NRG1: variants seen among roughly 807,000 people sequenced by gnomAD.
The protein encoded by NRG1 is neuregulin 1.
In NRG1, 18 loss-of-function variants were observed where a neutral mutation model predicts 63.8. The ratio of observed to expected loss-of-function variants is 0.28; its 90% confidence interval spans 0.19 to 0.42. NRG1 has a LOEUF of 0.42. Among genes scored for constraint, NRG1 ranks in the 10% least tolerant of loss-of-function variants. NRG1 has a pLI of 1.00. For synonymous variants in NRG1, 302 were observed against 301.3 expected, an observed-to-expected ratio of 1.00 and a Z score of -0.02; for missense variants, 762 against 814.7, an observed-to-expected ratio of 0.94 and a Z score of 0.79.
rs919730773 is a variant in NRG1 at position 32,227,808 on chromosome 8, C to T, written c.38-368020C>T. 5.9e-5 allele frequency among the ~76,000 whole-genome samples: 9 copies of T among 152,264 alleles called. No individual in the cohort carries two copies. In the South Asian group the frequency reaches 1.9e-3, roughly 32 times the overall value. On this transcript the variant is annotated intron_variant, in intron 1 of 10. Coordinates refer to the NRG1 transcript ENST00000519301. The stretch of plus-strand genomic sequence containing the variant: ...ATGTGCTCTAACCACCACAGCATTC[C>T]TGATCACCACCTCCAGATGACAAAA...
At chr8:32,713,478 T>C (rs1818322386) in intron 5 of NRG1, among the ~76,000 whole-genome samples, 1 of 152,050 alleles carries the variant, frequency 6.6e-6, no homozygotes, top group Non-Finnish European at 1.5e-5. Flanking sequence ...GAACTTCAAA[T>C]TCATTGTCTA....
upstream of NRG1, among the ~76,000 whole-genome samples, chr8:32,548,009 C>T (rs537659914): frequency 3.9e-5 from 6 of 152,232 alleles, no homozygotes; most frequent in Non-Finnish European, 7.4e-5. Context: ...GCCTGGGTTC[C>T]CGGGTCTCCG....
intron 1 of NRG1, among the ~76,000 whole-genome samples, chr8:31,757,359 G>T (rs537403135): frequency 6.3e-4 from 96 of 152,158 alleles, no homozygotes; most frequent in African/African-American, 2.2e-3. Flanking sequence ...ACAAATCTCA[G>T]TCCTAATTCT....
intron 1 of NRG1, among the ~76,000 whole-genome samples, chr8:31,967,073 G>A (rs1352194257): frequency 6.6e-6 from 1 of 152,144 alleles, no homozygotes; most frequent in African/African-American, 2.4e-5. Flanking sequence ...GCTACCTGAT[G>A]AGTTAAAGAG....
At chr8:32,297,864 TA>T (rs1310537343) in intron 1 of NRG1, among the ~76,000 whole-genome samples, 1 of 152,194 alleles carries the variant, frequency 6.6e-6, no homozygotes, top group Non-Finnish European at 1.5e-5. Context: ...GTAATAATCA[TA>T]TAACATTATT....
chr8:32,324,506 T>G (rs1163797310), intron 1 of NRG1, among the ~76,000 whole-genome samples: 1 of 152,120 alleles, frequency 6.6e-6, no homozygotes, highest in Non-Finnish European at 1.5e-5. Context: ...GGTGGAGGCT[T>G]CTAACTAATG....
intron 1 of NRG1, among the ~76,000 whole-genome samples, chr8:31,777,047 A>C (rs1300455255): frequency 6.6e-6 from 1 of 152,086 alleles, no homozygotes; most frequent in Admixed American, 6.5e-5. Flanking sequence ...CACTATTCAC[A>C]ATAGCGAAGA....
intron 1 of NRG1, among the ~76,000 whole-genome samples, chr8:32,395,272 C>T (rs1260098824): frequency 6.6e-6 from 1 of 152,162 alleles, no homozygotes; most frequent in Non-Finnish European, 1.5e-5. Flanking sequence ...AGAACCAGGA[C>T]TGGGTCATAG....
chr8:31,968,306 A>T (rs80162942), intron 1 of NRG1, among the ~76,000 whole-genome samples: 3,014 of 152,274 alleles, frequency 0.02, 83 homozygotes, highest in African/African-American at 0.068. Flanking sequence ...AGCAACCCAG[A>T]ATGTCCTAAC....
intron 1 of NRG1, among the ~76,000 whole-genome samples, chr8:32,025,814 G>A (rs1421127776): frequency 1.3e-5 from 2 of 151,496 alleles, no homozygotes; most frequent in African/African-American, 4.8e-5. Flanking sequence ...CGGGCCTGGT[G>A]GCGGGCGCCT....
chr8:31,989,433 C>G (rs1181561062), intron 1 of NRG1, among the ~76,000 whole-genome samples: 1 of 151,642 alleles, frequency 6.6e-6, no homozygotes, highest in Middle Eastern at 3.2e-3. Flanking sequence ...TTATTGTGTC[C>G]CAGTTCAGTT....
chr8:32,076,810 A>G (rs942577459), intron 1 of NRG1, among the ~76,000 whole-genome samples: 2 of 152,210 alleles, frequency 1.3e-5, no homozygotes, highest in African/African-American at 2.4e-5. Context: ...AGAAAAGTCT[A>G]TTGTTGATTT....
At chr8:32,367,002 G>A (rs546833511) in intron 1 of NRG1, among the ~76,000 whole-genome samples, 9 of 151,986 alleles carry the variant, frequency 5.9e-5, no homozygotes, top group East Asian at 1.9e-4. Context: ...GTGAGCCACC[G>A]CATCTGGCCT....
At chr8:31,908,343 C>A (rs1315637242) in intron 1 of NRG1, among the ~76,000 whole-genome samples, 1 of 152,008 alleles carries the variant, frequency 6.6e-6, no homozygotes, top group Non-Finnish European at 1.5e-5. Flanking sequence ...GATCTGTTTC[C>A]AAACATATTT....
chr8:31,999,096 C>T (rs1379430834), intron 1 of NRG1, among the ~76,000 whole-genome samples: 1 of 151,238 alleles, frequency 6.6e-6, no homozygotes, highest in Non-Finnish European at 1.5e-5. Context: ...GATTTCTTTG[C>T]TGAAATGCAC....
At chr8:31,796,117 C>T (rs1821178708) in intron 1 of NRG1, among the ~76,000 whole-genome samples, 2 of 152,162 alleles carry the variant, frequency 1.3e-5, no homozygotes, top group Non-Finnish European at 2.9e-5. Context: ...CTAGATGGAG[C>T]ATACACCTAG....
intron 1 of NRG1, among the ~76,000 whole-genome samples, chr8:32,076,439 T>G (rs923309751): frequency 1.3e-4 from 1 of 7,928 alleles, no homozygotes; most frequent in African/African-American, 1.3e-4. Flanking sequence ...CTGGGGTGTT[T>G]CAGCATGTTA....
chr8:31,767,831 G>C (rs1049893047), intron 1 of NRG1, among the ~76,000 whole-genome samples: 1 of 121,084 alleles, frequency 8.3e-6, no homozygotes, highest in Non-Finnish European at 1.7e-5. Flanking sequence ...TGGGTGACAA[G>C]AGCAAAACTC....
At chr8:32,053,458 G>T (rs1251615518) in intron 1 of NRG1, among the ~76,000 whole-genome samples, 1 of 152,170 alleles carries the variant, frequency 6.6e-6, no homozygotes, top group Admixed American at 6.5e-5. Context: ...CTTCTGCTCA[G>T]CTTTGTGGAA....
Sources: gnomAD v4.1 joint callset for allele counts (sites outside exome capture counted in the v4.1 genomes callset) on GRCh38, gnomAD v4.1.1 for gene constraint, MANE v1.5 for transcripts, NCBI Gene and HGNC (gene_info 2026-07-23, HGNC 2026-07-21) for gene names.